Variants in NTF3 observed in about 807,000 individuals in gnomAD.
NTF3 encodes the protein neurotrophin-3.
In NTF3, 8 loss-of-function variants were observed where a neutral mutation model predicts 26.3. The ratio of observed to expected loss-of-function variants is 0.30; its 90% confidence interval spans 0.18 to 0.55. NTF3 has a LOEUF of 0.55. Among genes scored for constraint, NTF3 ranks in the 20% least tolerant of loss-of-function variants. The pLI, the probability that NTF3 is intolerant of heterozygous loss-of-function variation, is 0.93. For missense variants in NTF3, 276 were observed against 352.9 expected (o/e 0.78, Z 1.75); for synonymous variants, 154 against 145.5 (o/e 1.06, Z -0.42).
At chr12:5,449,040 C>A (rs1314177400) in intron 1 of NTF3, among the ~76,000 whole-genome samples, 1 of 152,174 alleles carries the variant, frequency 6.6e-6, no homozygotes, top group South Asian at 2.1e-4. Flanking sequence ...AAGACAACCC[C>A]TATTGAATAT....
At chr12:5,443,790 C>A (rs775125392) in intron 1 of NTF3, among the ~76,000 whole-genome samples, 1 of 151,922 alleles carries the variant, frequency 6.6e-6, no homozygotes, top group Non-Finnish European at 1.5e-5. Flanking sequence ...GCATTTAAAC[C>A]ACCACCAAGG....
At chr12:5,469,699 T>C (rs1376818165) in intron 1 of NTF3, among the ~76,000 whole-genome samples, 1 of 152,210 alleles carries the variant, frequency 6.6e-6, no homozygotes, top group Non-Finnish European at 1.5e-5. Flanking sequence ...AATGTGTCTC[T>C]CTTTCACATT....
intron 1 of NTF3, among the ~76,000 whole-genome samples, chr12:5,436,414 G>A (rs992820836): frequency 2.6e-5 from 4 of 152,182 alleles, no homozygotes; most frequent in Admixed American, 2.6e-4. Context: ...GTGCAAGACT[G>A]GATTGGGAAT....
intron 1 of NTF3, among the ~76,000 whole-genome samples, chr12:5,479,871 C>A (rs1940766150): frequency 6.6e-6 from 1 of 152,190 alleles, no homozygotes; most frequent in Admixed American, 6.5e-5. Flanking sequence ...TCAGACTGGC[C>A]TCTAGGCCTC....
chr12:5,458,632 T>C (rs767108888), intron 1 of NTF3, among the ~76,000 whole-genome samples: 5 of 152,204 alleles, frequency 3.3e-5, no homozygotes, highest in Non-Finnish European at 5.9e-5. Context: ...AAAAACTTCC[T>C]TGGGGTGGCA....
intron 1 of NTF3, among the ~76,000 whole-genome samples, chr12:5,487,794 T>C (rs1459298083): frequency 1.3e-5 from 2 of 152,220 alleles, no homozygotes; most frequent in Admixed American, 6.5e-5. Context: ...ACTACATAGA[T>C]ACAGACCTGT....
chr12:5,495,045 G>A lies in NTF3; in HGVS notation c.*57G>A. On this transcript the variant is annotated 3_prime_UTR_variant, in exon 2 of 2. Coordinates refer to ENST00000423158, the MANE Select transcript of NTF3 (RefSeq NM_001102654.2). ...CTTTAAATTATATGATATGCATGTA[G>A]CATATAAATGTTTATATTGTTTTTA... 1 of 1,449,384 alleles carries A rather than the reference G, an allele frequency of 6.9e-7. No individual in the cohort carries two copies. Among genetic ancestry groups the A allele is most frequent in the Non-Finnish European group, 9.4e-7 (1 of 1,059,806 alleles). 89.8% of individuals were successfully genotyped at this position (1,449,384 alleles called of 1,614,324 possible).
At chr12:5,467,136 A>G (rs1375699731) in intron 1 of NTF3, among the ~76,000 whole-genome samples, 1 of 147,496 alleles carries the variant, frequency 6.8e-6, no homozygotes, top group Non-Finnish European at 1.5e-5. Context: ...AGGCTGAGGC[A>G]GAGAATTGCT....
intron 1 of NTF3, among the ~76,000 whole-genome samples, chr12:5,442,437 G>A (rs970175679): frequency 2.0e-5 from 3 of 152,266 alleles, no homozygotes; most frequent in Admixed American, 1.3e-4. Context: ...GGGAGGTGTA[G>A]GTGTGCATGC....
In NTF3 at chr12:5,466,295, A is replaced by G. The variant is rs1940588219; in HGVS notation, c.19-27899A>G. Among the ~76,000 whole-genome samples the G allele has an allele frequency of 3.9e-5, 6 of 152,332 alleles. No individual in the cohort carries two copies. The South Asian group carries it at 1.2e-3, about 32-fold the overall frequency. ...TCCGCTGCATCCTACAGTGAGATGC[A>G]CTGTGGCGAGAGCAGCTATTGGCAT... On this transcript the variant is annotated intron_variant, in intron 1 of 1. Coordinates refer to ENST00000423158, the MANE Select transcript of NTF3 (RefSeq NM_001102654.2).
chr12:5,494,952 T>C lies in NTF3; in HGVS notation c.777T>C (p.Cys259=), dbSNP rs1231975548. The C allele has an allele frequency of 3.1e-6, 5 of 1,614,124 alleles. No individual in the cohort carries two copies. The South Asian group carries it at 3.3e-5, about 11-fold the overall frequency. Residue 259 remains cysteine, a synonymous_variant, in exon 2 of 2, where the codon TGT becomes TGC. Coordinates refer to ENST00000423158, the MANE Select transcript of NTF3 (RefSeq NM_001102654.2). The surrounding 1 kb of genome is among the most constrained non-coding windows in gnomAD (Gnocchi z 8.3). ...GWRWIRIDTS[C]VCALSRKIGR... ...GGTGGATACGGATAGACACGTCCTG[T>C]GTGTGTGCCTTGTCGAGAAAAATCG...
At chr12:5,452,859 G>A (rs992389830) in intron 1 of NTF3, among the ~76,000 whole-genome samples, 3 of 152,110 alleles carry the variant, frequency 2.0e-5, no homozygotes, top group Non-Finnish European at 2.9e-5. Context: ...TTTCGGATTG[G>A]TCTTCTCCTA....
rs183249481 is a variant in NTF3 at position 5,433,704 on chromosome 12, C to G, written c.18+1362C>G. ...CCGGTGGGGGAAACACCGAAAAGAT[C>G]GTCTGGCCTCGGCCTCTGGCGGCGG... On this transcript the variant is annotated intron_variant, in intron 1 of 1. Transcript: ENST00000423158. This position sits in a 1 kb window ranked among gnomAD's most constrained non-coding sequence, Gnocchi z 4.6. 3.8e-4 allele frequency among the ~76,000 whole-genome samples: 58 copies of G among 152,194 alleles called. No homozygotes were observed. In the East Asian group the frequency reaches 5.4e-3, roughly 14 times the overall value.
chr12:5,441,506 T>G (rs1378800780), intron 1 of NTF3, among the ~76,000 whole-genome samples: 1 of 152,208 alleles, frequency 6.6e-6, no homozygotes, highest in East Asian at 1.9e-4. Context: ...CTGGGAAGCC[T>G]CCCTGCATTT....
intron 1 of NTF3, among the ~76,000 whole-genome samples, chr12:5,488,810 G>T (rs972869260): frequency 6.6e-6 from 1 of 152,150 alleles, no homozygotes; most frequent in Non-Finnish European, 1.5e-5. Flanking sequence ...AAAGAATCAG[G>T]CCCTTCTGGA....
chr12:5,491,675 T>A (rs1038107231), intron 1 of NTF3, among the ~76,000 whole-genome samples: 9 of 149,922 alleles, frequency 6.0e-5, no homozygotes, highest in Non-Finnish European at 1.2e-4. Context: ...AGGGCCAGAG[T>A]GCAGAGAACC....
chr12:5,430,945 G>GC (rs1940078337), upstream of NTF3, among the ~76,000 whole-genome samples: 8 of 152,030 alleles, frequency 5.3e-5, no homozygotes, highest in Admixed American at 5.2e-4. Context: ...GCAAAACTCT[G>GC]CTTCCGGGCT....
chr12:5,484,546 G>T (rs372521617), intron 1 of NTF3, among the ~76,000 whole-genome samples: 2 of 152,232 alleles, frequency 1.3e-5, no homozygotes, highest in East Asian at 1.9e-4. Flanking sequence ...CACATGTGTG[G>T]TTTTTTAGCA....
At chr12:5,472,957 G>A (rs917675974) in intron 1 of NTF3, among the ~76,000 whole-genome samples, 14 of 152,060 alleles carry the variant, frequency 9.2e-5, no homozygotes, top group African/African-American at 3.4e-4. Flanking sequence ...TTTTCTTTGG[G>A]CCAGGAGAGC....
Sources: allele counts gnomAD v4.1 joint callset (sites outside exome capture counted in the v4.1 genomes callset), GRCh38; gene constraint gnomAD v4.1.1; non-coding constraint Gnocchi (gnomAD v3.1); transcripts MANE v1.5; gene names NCBI Gene and HGNC (gene_info 2026-07-23, HGNC 2026-07-21).